The following LRRC4C variants were observed in gnomAD, a reference collection of about 807,000 sequenced individuals.
LRRC4C encodes the protein leucine rich repeat containing 4C, also known as leucine-rich repeat-containing protein 4C.
A neutral mutation model predicts 33.6 loss-of-function variants in LRRC4C; 5 were observed. The ratio of observed to expected loss-of-function variants is 0.15; its 90% CI spans 0.08 to 0.31. The LOEUF is 0.31. Among genes scored for constraint, LRRC4C ranks in the 10% least tolerant of loss-of-function variants. The probability of loss-of-function intolerance (pLI) is 1.00; values close to 1 mark genes in which losing one functional copy is unlikely to be tolerated. For missense variants in LRRC4C, 560 were observed against 796.7 expected (o/e 0.70, Z 3.58); for synonymous variants, 329 against 302.0 (o/e 1.09, Z -0.93).
At chr11:40,481,554 T>C (rs946276472) in intron 3 of LRRC4C, among the ~76,000 whole-genome samples, 4 of 152,074 alleles carry the variant, frequency 2.6e-5, no homozygotes, top group Non-Finnish European at 4.4e-5. Context: ...TAATGAGTGC[T>C]CAAAAAAGAC....
intron 5 of LRRC4C, among the ~76,000 whole-genome samples, chr11:40,148,584 C>T (rs951241621): frequency 3.9e-5 from 6 of 152,010 alleles, no homozygotes; most frequent in Admixed American, 3.9e-4. Flanking sequence ...GATATTAGAC[C>T]TTTGTCAGAT....
At chr11:41,366,110 T>G (rs532363209) in intron 1 of LRRC4C, among the ~76,000 whole-genome samples, 4 of 152,248 alleles carry the variant, frequency 2.6e-5, no homozygotes, top group South Asian at 4.1e-4. Context: ...GTAGAAATAT[T>G]TGGCTATTTA....
rs1463857970 is a variant in LRRC4C at position 40,812,932 on chromosome 11, GGAGA to G, written c.-407+120699_-407+120702del. On this transcript the variant is annotated intron_variant, in intron 2 of 6. Coordinates refer to ENST00000528697, the MANE Select transcript of LRRC4C (RefSeq NM_001258419.2). Reference sequence around the variant, plus strand: ...AGAAGTCCCTAGATTCTAGAAAAAGGGAGAGAAAGTGGAAAAAAAATACATGATG... The same window carrying G: ...AGAAGTCCCTAGATTCTAGAAAAAGGGAAAGTGGAAAAAAAATACATGATG... Among the ~76,000 whole-genome samples the G allele has an allele frequency of 2.0e-5, 3 of 152,204 alleles. No individual in the cohort carries two copies. The South Asian group carries it at 6.2e-4, about 32-fold the overall frequency.
intron 1 of LRRC4C, among the ~76,000 whole-genome samples, chr11:41,064,109 T>C (rs1938018911): frequency 6.6e-6 from 1 of 152,260 alleles, no homozygotes; most frequent in Non-Finnish European, 1.5e-5. Context: ...AAGTGATTCT[T>C]AATTTTTAAT....
At chr11:40,724,389 A>T (rs1947183206) in intron 2 of LRRC4C, among the ~76,000 whole-genome samples, 1 of 152,194 alleles carries the variant, frequency 6.6e-6, no homozygotes, top group African/African-American at 2.4e-5. Flanking sequence ...TCAAAAAATC[A>T]AAATTATACC....
intron 1 of LRRC4C, among the ~76,000 whole-genome samples, chr11:41,267,384 A>T (rs752270727): frequency 6.6e-6 from 1 of 152,090 alleles, no homozygotes; most frequent in Non-Finnish European, 1.5e-5. Context: ...ACAGCTTAAA[A>T]TGTACTCTGT....
chr11:40,998,274 A>T (rs1854122072), intron 1 of LRRC4C, among the ~76,000 whole-genome samples: 1 of 149,194 alleles, frequency 6.7e-6, no homozygotes, highest in African/African-American at 2.5e-5. Context: ...AAAAAAAAAA[A>T]GGACATTCTT....
At chr11:41,158,599 G>T (rs1218554553) in intron 1 of LRRC4C, among the ~76,000 whole-genome samples, 1 of 152,080 alleles carries the variant, frequency 6.6e-6, no homozygotes, top group South Asian at 2.1e-4. Context: ...CAGTGAGCCT[G>T]GGAGGAGAAG....
chr11:40,246,977 G>C (rs1032234253), intron 4 of LRRC4C, among the ~76,000 whole-genome samples: 4 of 152,162 alleles, frequency 2.6e-5, no homozygotes, highest in Admixed American at 2.6e-4. Context: ...GGGAGATAAA[G>C]TGAGGCTGTT....
intron 2 of LRRC4C, among the ~76,000 whole-genome samples, chr11:40,795,599 A>C (rs376836547): frequency 6.6e-6 from 1 of 152,176 alleles, no homozygotes; most frequent in Middle Eastern, 3.2e-3. Context: ...TTATGCAGAA[A>C]GGCCCCAGAA....
Position 41,439,128 on chromosome 11 carries a change from C to T in LRRC4C, c.-496+20303G>A, listed in dbSNP as rs527453180. On this transcript the variant is annotated intron_variant, in intron 1 of 6. Transcript: ENST00000528697. ...ATATCTATGAGTATCCATTGTTTAG[C>T]TCCCCCTTGTAAATTCCTGATTCAT... Among the ~76,000 whole-genome samples the T allele has an allele frequency of 1.1e-4, 17 of 152,242 alleles. No individual in the cohort carries two copies. In the South Asian group the frequency reaches 3.5e-3, roughly 32 times the overall value.
In LRRC4C at chr11:41,083,331, CAG is replaced by C. The variant is rs761409825; in HGVS notation, c.-495-149610_-495-149609del. On this transcript the variant is annotated intron_variant, in intron 1 of 6. Transcript: ENST00000528697. Reference sequence around the variant, plus strand: ...GAGTTACCCATACACTAGCAGGTAACAGGGGAATTATTTCTTGAAATAATTGT... The same window carrying C: ...GAGTTACCCATACACTAGCAGGTAACGGGAATTATTTCTTGAAATAATTGT... Among the ~76,000 whole-genome samples, 8 of 152,088 alleles carry C rather than the reference CAG, an allele frequency of 5.3e-5. No individual in the cohort carries two copies. In the East Asian group the frequency reaches 1.2e-3, roughly 22 times the overall value.
chr11:40,485,080 T>C (rs1953785091), intron 3 of LRRC4C, among the ~76,000 whole-genome samples: 1 of 152,082 alleles, frequency 6.6e-6, no homozygotes, highest in Non-Finnish European at 1.5e-5. Flanking sequence ...CTGGGAATTT[T>C]TACTGTGTCT....
chr11:40,886,406 T>TACACACACACACACACACAC (rs10629266), intron 2 of LRRC4C, among the ~76,000 whole-genome samples: 9 of 145,540 alleles, frequency 6.2e-5, no homozygotes, highest in Admixed American at 1.4e-4. Flanking sequence ...TTTCAAATGC[T>TACACACACACACACACACAC]ACACACACAC....
intron 3 of LRRC4C, among the ~76,000 whole-genome samples, chr11:40,535,977 A>C (rs1225128759): frequency 3.9e-5 from 6 of 152,172 alleles, no homozygotes; most frequent in African/African-American, 1.2e-4. Context: ...TGGTCACTTC[A>C]TTTTTTACTT....
At chr11:40,307,031 A>T in intron 4 of LRRC4C, among the ~76,000 whole-genome samples, 1 of 103,572 alleles carries the variant, frequency 9.7e-6, no homozygotes. Context: ...CTATCTATCT[A>T]TATACAATTT....
intron 2 of LRRC4C, among the ~76,000 whole-genome samples, chr11:40,912,357 A>G (rs185934337): frequency 8.5e-5 from 13 of 152,290 alleles, no homozygotes; most frequent in Admixed American, 7.8e-4. Context: ...CTCAGCAGAA[A>G]CTCTACAAGC....
intron 5 of LRRC4C, among the ~76,000 whole-genome samples, chr11:40,222,990 C>A (rs187948968): frequency 5.6e-4 from 80 of 141,814 alleles, no homozygotes; most frequent in African/African-American, 2.0e-3. Flanking sequence ...AGTGAGCGGT[C>A]TCATTGGAGC....
chr11:41,158,030 G>T (rs1044010008), intron 1 of LRRC4C, among the ~76,000 whole-genome samples: 1 of 151,620 alleles, frequency 6.6e-6, no homozygotes, highest in African/African-American at 2.4e-5. Context: ...TTTGCCTGTT[G>T]ACCATCCCCA....
Sources: gnomAD v4.1 joint callset for allele counts (sites outside exome capture counted in the v4.1 genomes callset) on GRCh38, gnomAD v4.1.1 for gene constraint, MANE v1.5 for transcripts, NCBI Gene and HGNC (gene_info 2026-07-23, HGNC 2026-07-21) for gene names.